The following PIGU variants were observed in gnomAD, a reference collection of about 807,000 sequenced individuals.
PIGU encodes GPI-anchor transamidase component PIGU.
PIGU carries 24 observed loss-of-function variants against 49.9 expected under a neutral mutation model. The observed-to-expected ratio is 0.48, with a 90% confidence interval of 0.35 to 0.68. The LOEUF is 0.68. Ranked by LOEUF, PIGU falls within the 30% of genes least tolerant of loss-of-function variation. The pLI is 0.01. For missense variants in PIGU, 490 were observed against 532.6 expected (o/e 0.92, Z 0.79); for synonymous variants, 220 against 205.7 (o/e 1.07, Z -0.59).
intron 11 of PIGU, 107 bp downstream of exon 11, chr20:34,574,997 T>G: frequency 6.9e-7 from 1 of 1,448,066 alleles, no homozygotes; most frequent in East Asian, 2.3e-5. Context: ...CTGTGCCTCC[T>G]TCACGTCTGC....
chr20:34,675,368 C>T (rs1987467933), intron 1 of PIGU, among the ~76,000 whole-genome samples: 1 of 151,716 alleles, frequency 6.6e-6, no homozygotes, highest in Non-Finnish European at 1.5e-5. Context: ...CCTAATACTG[C>T]CTCAGGTTTT....
At chr20:34,587,783 C>G (rs369445553) in intron 8 of PIGU, among the ~76,000 whole-genome samples, 23 of 152,288 alleles carry the variant, frequency 1.5e-4, no homozygotes, top group African/African-American at 5.3e-4. Flanking sequence ...CACTTAGCAT[C>G]AGATTCTCCA....
intron 7 of PIGU, among the ~76,000 whole-genome samples, chr20:34,592,507 G>A (rs994043928): frequency 1.3e-5 from 2 of 150,736 alleles, no homozygotes; most frequent in Admixed American, 1.3e-4. Flanking sequence ...AACTATAGAT[G>A]TATCAGGGAG....
chr20:34,637,203 C>T (rs1003942150), intron 5 of PIGU, among the ~76,000 whole-genome samples: 23 of 152,108 alleles, frequency 1.5e-4, no homozygotes, highest in African/African-American at 5.6e-4. Context: ...GTTCTAAGGG[C>T]GTGTTTTTCC....
chr20:34,609,402 T>C (rs1461022934), intron 7 of PIGU, among the ~76,000 whole-genome samples: 1 of 152,034 alleles, frequency 6.6e-6, no homozygotes, highest in Non-Finnish European at 1.5e-5. Flanking sequence ...TCTCACTCTG[T>C]CACCCAGGCT....
At chr20:34,665,592 A>T (rs996455104) in intron 1 of PIGU, among the ~76,000 whole-genome samples, 3 of 150,656 alleles carry the variant, frequency 2.0e-5, no homozygotes, top group South Asian at 2.1e-4. Flanking sequence ...TGCCCGCCTC[A>T]GCCTCCCAAA....
intron 2 of PIGU, 46 bp from the exon 3 acceptor site, chr20:34,645,380 A>C (rs748142920): frequency 1.3e-6 from 2 of 1,528,102 alleles, no homozygotes; most frequent in African/African-American, 2.8e-5. Flanking sequence ...GTTAAACCTT[A>C]CTATTATCAG....
Position 34,660,194 on chromosome 20 carries a change from G to A in PIGU, c.131-2950C>T, listed in dbSNP as rs529594358. On this transcript the variant is annotated intron_variant, in intron 1 of 11. Transcript: ENST00000217446. The stretch of plus-strand genomic sequence containing the variant: ...AAGAAATAGAAAATCACCACTTGGC[G>A]TACTCCATCCATAGTAATAATCACA... Among the ~76,000 whole-genome samples, 32 of 152,116 alleles carry A rather than the reference G, an allele frequency of 2.1e-4. No homozygotes were observed. In the South Asian group the frequency reaches 3.1e-3, roughly 15 times the overall value.
chr20:34,624,858 G>A (rs1347094893), intron 6 of PIGU, among the ~76,000 whole-genome samples: 1 of 152,102 alleles, frequency 6.6e-6, no homozygotes, highest in Non-Finnish European at 1.5e-5. Flanking sequence ...CTCTCAGAGT[G>A]TCCCAGGCAA....
chr20:34,566,247 G>T (rs574265728), intron 11 of PIGU, among the ~76,000 whole-genome samples: 8 of 152,380 alleles, frequency 5.3e-5, no homozygotes, highest in African/African-American at 1.7e-4. Flanking sequence ...CTGAAGTGAA[G>T]TCACTGCCCA....
chr20:34,655,453 C>T lies in PIGU; in HGVS notation c.195+1727G>A, dbSNP rs1194285325. 2.5e-5 allele frequency among the ~76,000 whole-genome samples: 3 copies of T among 121,646 alleles called. 1 individual carries two copies. Among genetic ancestry groups the T allele is most frequent in the Non-Finnish European group, 5.3e-5 (3 of 56,706 alleles). The allele number at this position is 121,646 out of a possible 152,430, so 79.8% of individuals were successfully genotyped here. On this transcript the variant is annotated intron_variant, in intron 2 of 11. Transcript: ENST00000217446. The stretch of plus-strand genomic sequence containing the variant: ...TTGGGAGGCCAAGGCAGGCGGATCA[C>T]GAAGTCAGGAGTTTGAGAGCATCCT...
intron 11 of PIGU, among the ~76,000 whole-genome samples, chr20:34,568,769 C>G (rs992629064): frequency 1.3e-5 from 2 of 152,192 alleles, no homozygotes; most frequent in Non-Finnish European, 2.9e-5. Flanking sequence ...TCAGGCCTCA[C>G]TCAAAACAGA....
intron 6 of PIGU, among the ~76,000 whole-genome samples, chr20:34,626,287 T>G (rs951680989): frequency 5.3e-5 from 8 of 149,554 alleles, no homozygotes; most frequent in African/African-American, 1.7e-4. Flanking sequence ...TGAATAAAAT[T>G]TTTTAAAACT....
intron 1 of PIGU, 30 bp from the exon 2 acceptor site, chr20:34,657,274 G>C (rs952464888): frequency 1.9e-6 from 3 of 1,569,208 alleles, no homozygotes. Context: ...AGTTCACTCA[G>C]ACTAAGCAGG....
intron 11 of PIGU, among the ~76,000 whole-genome samples, chr20:34,569,933 C>T (rs1982935951): frequency 6.6e-6 from 1 of 152,212 alleles, no homozygotes; most frequent in Non-Finnish European, 1.5e-5. Context: ...GATAAATACA[C>T]CCCTTCACAG....
chr20:34,594,208 T>A (rs1001961559), intron 7 of PIGU, among the ~76,000 whole-genome samples: 1 of 152,168 alleles, frequency 6.6e-6, no homozygotes. Flanking sequence ...ACTACATACA[T>A]ACTTCAATAA....
chr20:34,587,150 T>C (rs1983729906), intron 8 of PIGU, among the ~76,000 whole-genome samples: 1 of 152,282 alleles, frequency 6.6e-6, no homozygotes, highest in East Asian at 1.9e-4. Flanking sequence ...ATGCAAATTG[T>C]TGATCCCTCC....
chr20:34,588,110 G>A (rs574776926), intron 8 of PIGU, among the ~76,000 whole-genome samples: 1 of 152,142 alleles, frequency 6.6e-6, no homozygotes, highest in South Asian at 2.1e-4. Context: ...AAATTAGCCG[G>A]GCGTGGTGGT....
intron 2 of PIGU, among the ~76,000 whole-genome samples, chr20:34,650,769 G>A (rs13042351): frequency 0.43 from 55,996 of 129,150 alleles, 12,087 homozygotes; most frequent in Admixed American, 0.61. Context: ...TCGGGAATGC[G>A]GTGGCGTGAT....
Sources: gnomAD v4.1 joint callset for allele counts (sites outside exome capture counted in the v4.1 genomes callset) on GRCh38, gnomAD v4.1.1 for gene constraint, MANE v1.5 for transcripts, NCBI Gene and HGNC (gene_info 2026-07-23, HGNC 2026-07-21) for gene names.